RNF144A: variants seen among roughly 807,000 people sequenced by gnomAD.
The protein encoded by RNF144A is E3 ubiquitin-protein ligase RNF144A.
Under a neutral mutation model 38.7 loss-of-function variants are expected in RNF144A, and 11 were observed. That is an observed-to-expected ratio of 0.28 (90% CI 0.18 to 0.47). The LOEUF is 0.47. RNF144A is among the 20% of genes least tolerant of loss of function. The pLI, the probability that RNF144A is intolerant of heterozygous loss-of-function variation, is 0.99. For synonymous variants in RNF144A, 149 were observed against 143.9 expected, an observed-to-expected ratio of 1.04 and a Z score of -0.25; for missense variants, 316 against 377.2, an observed-to-expected ratio of 0.84 and a Z score of 1.34.
intron 8 of RNF144A, among the ~76,000 whole-genome samples, chr2:7,036,523 T>G (rs1429897171): frequency 6.6e-6 from 1 of 152,220 alleles, no homozygotes; most frequent in Non-Finnish European, 1.5e-5. Context: ...TATTTCTCAC[T>G]GAGATCAGTG....
At chr2:7,051,549 G>A (rs1673527544) in intron 6 of RNF144A, among the ~76,000 whole-genome samples, 1 of 152,144 alleles carries the variant, frequency 6.6e-6, no homozygotes, top group East Asian at 1.9e-4. Flanking sequence ...GAGGAGATGG[G>A]GGTCTATGCC....
At chr2:6,971,763 A>ATT (rs147737133) in intron 2 of RNF144A, among the ~76,000 whole-genome samples, 45 of 151,932 alleles carry the variant, frequency 3.0e-4, no homozygotes, top group East Asian at 2.9e-3. Context: ...AGTTCTGACC[A>ATT]TTTTGTTTTT....
intron 8 of RNF144A, among the ~76,000 whole-genome samples, chr2:7,037,544 T>C (rs1672760224): frequency 6.6e-6 from 1 of 152,230 alleles, no homozygotes. Flanking sequence ...GTTCCACCGT[T>C]GATATGTTGT....
At chr2:6,982,979 C>G (rs776952580) in intron 2 of RNF144A, among the ~76,000 whole-genome samples, 3 of 152,206 alleles carry the variant, frequency 2.0e-5, no homozygotes, top group Non-Finnish European at 4.4e-5. Flanking sequence ...TGAGCTCTGG[C>G]TGTACCTAAA....
chr2:7,060,218 T>G (rs966042173), intron 6 of RNF144A, among the ~76,000 whole-genome samples: 2 of 152,176 alleles, frequency 1.3e-5, no homozygotes, highest in Admixed American at 6.5e-5. Flanking sequence ...TCTTGGCACT[T>G]TCCTCAAAAC....
At chr2:6,975,135 A>G (rs1208343734) in intron 2 of RNF144A, among the ~76,000 whole-genome samples, 1 of 152,224 alleles carries the variant, frequency 6.6e-6, no homozygotes, top group Admixed American at 6.5e-5. Context: ...AATTGGACTG[A>G]CATTTCCATG....
At chr2:6,989,518 C>T (rs1669196704) in intron 2 of RNF144A, among the ~76,000 whole-genome samples, 2 of 152,180 alleles carry the variant, frequency 1.3e-5, no homozygotes, top group South Asian at 2.1e-4. Context: ...AGCACCTTTC[C>T]CCCACCCGCT....
chr2:6,991,936 G>A (rs771268), intron 2 of RNF144A, among the ~76,000 whole-genome samples: 77,768 of 151,968 alleles, frequency 0.51, 20,545 homozygotes, highest in African/African-American at 0.6. Flanking sequence ...TCAAGTTGGG[G>A]AGGTAAATTC....
chr2:6,968,610 C>CA (rs1476456721), intron 2 of RNF144A, among the ~76,000 whole-genome samples: 1 of 152,242 alleles, frequency 6.6e-6, no homozygotes, highest in East Asian at 1.9e-4. Flanking sequence ...AGTCTATTCT[C>CA]ATCACAAGAA....
chr2:7,044,276 G>T, downstream of RNF144A: 4 of 815,938 alleles, frequency 4.9e-6, no homozygotes, highest in Non-Finnish European at 5.9e-6. Flanking sequence ...ATCTATTGAA[G>T]ATTGAAAATA....
rs571706455 is a variant in RNF144A at position 6,972,658 on chromosome 2, A to T, written c.-11-24258A>T. On this transcript the variant is annotated intron_variant, in intron 2 of 8. Transcript: ENST00000320892. ...TCGTACACATGTTTCGCAGGACCAT[A>T]GCTAACAAGGCTGCCAGCTGTGTCT... Among the ~76,000 whole-genome samples the T allele has an allele frequency of 2.6e-5, 4 of 152,244 alleles. No homozygotes were observed. The East Asian group carries it at 5.8e-4, about 22-fold the overall frequency.
At chr2:7,008,148 T>TC (rs1317250643) in intron 3 of RNF144A, among the ~76,000 whole-genome samples, 1 of 152,198 alleles carries the variant, frequency 6.6e-6, no homozygotes, top group Admixed American at 6.5e-5. Flanking sequence ...GTCTCTGGCT[T>TC]CCCGGGCTCA....
chr2:6,931,832 A>G (rs1480131699), intron 1 of RNF144A, among the ~76,000 whole-genome samples: 1 of 152,120 alleles, frequency 6.6e-6, no homozygotes, highest in Non-Finnish European at 1.5e-5. Context: ...TTGTTTTTAC[A>G]TTTAAGTTGT....
At chr2:7,006,557 C>T (rs1003532862) in intron 3 of RNF144A, among the ~76,000 whole-genome samples, 4 of 152,060 alleles carry the variant, frequency 2.6e-5, no homozygotes, top group African/African-American at 7.2e-5. Flanking sequence ...GTTGTGGCCC[C>T]GCTACCCCAA....
intron 2 of RNF144A, among the ~76,000 whole-genome samples, chr2:6,991,924 C>T (rs533731458): frequency 2.6e-5 from 4 of 152,240 alleles, no homozygotes; most frequent in African/African-American, 9.6e-5. Flanking sequence ...AATAATGTAT[C>T]GTCAAGTTGG....
intron 2 of RNF144A, among the ~76,000 whole-genome samples, chr2:6,990,503 AAT>A (rs1274263556): frequency 2.9e-5 from 4 of 137,504 alleles, no homozygotes; most frequent in Admixed American, 7.5e-5. Flanking sequence ...TATATTATAT[AAT>A]ATATGATATA....
At chr2:6,954,179 T>TTGGATTTAATATATTTA (rs1666858324) in intron 2 of RNF144A, among the ~76,000 whole-genome samples, 1 of 152,172 alleles carries the variant, frequency 6.6e-6, no homozygotes, top group Non-Finnish European at 1.5e-5. Flanking sequence ...ATTTATTTTT[T>TTGGATTTAATATATTTA]ATGACTTTAA....
chr2:7,048,076 G>C (rs79498498), downstream of RNF144A, among the ~76,000 whole-genome samples: 675 of 152,248 alleles, frequency 4.4e-3, 5 homozygotes, highest in African/African-American at 0.016. Context: ...TCTGAAGATC[G>C]CATCCCAGGA....
Position 7,043,898 on chromosome 2 carries a change from G to A in RNF144A, c.*4138G>A, listed in dbSNP as rs1202895135. 3 of 985,750 alleles carry A rather than the reference G, an allele frequency of 3.0e-6. No individual in the cohort carries two copies. The highest frequency in any genetic ancestry group is 1.7e-5 in the African/African-American group (1 of 57,316). The allele number at this position is 985,750 out of a possible 1,614,324, so 61.1% of individuals were successfully genotyped here. ...ATGAATGAGTCATGCACATGTATAC[G>A]TTATGTATTTGACAAGTGGTGGTGA... On this transcript the variant is annotated 3_prime_UTR_variant, in exon 9 of 9. Coordinates refer to ENST00000320892, the MANE Select transcript of RNF144A (RefSeq NM_014746.6).
Sources: gnomAD v4.1 joint callset for allele counts (sites outside exome capture counted in the v4.1 genomes callset) on GRCh38, gnomAD v4.1.1 for gene constraint, MANE v1.5 for transcripts, NCBI Gene and HGNC (gene_info 2026-07-23, HGNC 2026-07-21) for gene names.